Variants in PKIG observed in about 807,000 individuals in gnomAD.
The protein encoded by PKIG is protein kinase (cAMP-dependent, catalytic) inhibitor gamma.
In PKIG, 1 loss-of-function variant was observed where a neutral mutation model predicts 6.8. That is an observed-to-expected ratio of 0.15 (90% CI 0.05 to 0.69). PKIG has a LOEUF of 0.69. PKIG is among the 30% of genes least tolerant of loss of function. The pLI, the probability that PKIG is intolerant of heterozygous loss-of-function variation, is 0.82. For synonymous variants in PKIG, 39 were observed against 43.0 expected, an observed-to-expected ratio of 0.91 and a Z score of 0.36; for missense variants, 77 against 104.0, an observed-to-expected ratio of 0.74 and a Z score of 1.13.
At chr20:44,569,763 C>T (rs1455047436) in intron 1 of PKIG, among the ~76,000 whole-genome samples, 1 of 152,112 alleles carries the variant, frequency 6.6e-6, no homozygotes, top group African/African-American at 2.4e-5. Context: ...TGAGCCTTGC[C>T]ATATCGCACA....
At chr20:44,601,778 G>GA (rs201826683) in intron 2 of PKIG, among the ~76,000 whole-genome samples, 139 of 149,808 alleles carry the variant, frequency 9.3e-4, no homozygotes, top group East Asian at 2.5e-3. Flanking sequence ...TTTTGAAAAA[G>GA]AAAAAAAAAC....
At position 44,595,465 on chromosome 20, in the gene PKIG, A is replaced by G. The variant is rs1204719969; in HGVS notation, c.-24+5599A>G. ...TCAAATATTGCTGAAGTTCACAATT[A>G]TAACTATAAATGTACAGCTGTCCTT... is the stretch of plus-strand genomic sequence containing the variant. On this transcript the variant is annotated intron_variant, in intron 2 of 3. Transcript: ENST00000372886. Among the ~76,000 whole-genome samples the G allele has an allele frequency of 3.3e-5, 5 of 152,266 alleles. No individual in the cohort carries two copies. In the South Asian group the frequency reaches 6.2e-4, roughly 19 times the overall value.
intron 1 of PKIG, among the ~76,000 whole-genome samples, chr20:44,551,350 G>A (rs1421339110): frequency 6.6e-6 from 1 of 152,134 alleles, no homozygotes; most frequent in East Asian, 1.9e-4. Context: ...CACCGCGCCC[G>A]GCCCAACATT....
At chr20:44,556,503 C>T (rs1427582926) in intron 1 of PKIG, among the ~76,000 whole-genome samples, 1 of 152,082 alleles carries the variant, frequency 6.6e-6, no homozygotes, top group Non-Finnish European at 1.5e-5. Flanking sequence ...GCTGGGATTA[C>T]AAGCGTGTGC....
chr20:44,564,748 G>T (rs1321531492), intron 1 of PKIG, among the ~76,000 whole-genome samples: 2 of 152,010 alleles, frequency 1.3e-5, no homozygotes, highest in Non-Finnish European at 2.9e-5. Context: ...TTGTTTTGTT[G>T]TTTGATCCCA....
intron 1 of PKIG, among the ~76,000 whole-genome samples, chr20:44,557,151 A>G (rs1189568320): frequency 1.3e-5 from 2 of 152,120 alleles, no homozygotes; most frequent in Admixed American, 1.3e-4. Context: ...TGTACTTTTC[A>G]TTTCTTTGTA....
At chr20:44,561,608 TA>T (rs201176179) in intron 1 of PKIG, among the ~76,000 whole-genome samples, 8 of 152,170 alleles carry the variant, frequency 5.3e-5, no homozygotes, top group African/African-American at 1.9e-4. Context: ...AATATGCATT[TA>T]AAAAAATTTT....
chr20:44,541,248 C>T (rs2064559246), intron 1 of PKIG, among the ~76,000 whole-genome samples: 1 of 152,148 alleles, frequency 6.6e-6, no homozygotes, highest in African/African-American at 2.4e-5. Flanking sequence ...AAGTGATTCT[C>T]CATCAGCTGT....
rs1371134239 is a variant in PKIG at position 44,545,303 on chromosome 20, CTG to C, written c.-241+13326_-241+13327del. On this transcript the variant is annotated intron_variant, in intron 1 of 4. Transcript: ENST00000372887. ...AACAGTGACAATCAATAAGAATCAA[CTG>C]GGTTTGTTCCCCAGCCTGTTTAGTT... Among the ~76,000 whole-genome samples the C allele has an allele frequency of 3.9e-5, 6 of 152,186 alleles. No homozygotes were observed. The South Asian group carries it at 1.0e-3, about 26-fold the overall frequency.
chr20:44,539,009 A>G (rs998035431), intron 1 of PKIG, among the ~76,000 whole-genome samples: 1 of 151,072 alleles, frequency 6.6e-6, no homozygotes, highest in African/African-American at 2.4e-5. Flanking sequence ...ACTCACTGCA[A>G]CCTCTGCCTC....
In PKIG at chr20:44,568,071, G is replaced by A. The variant is rs181680939; in HGVS notation, c.-240-14514G>A. On this transcript the variant is annotated intron_variant, in intron 1 of 4. Transcript: ENST00000372887. The stretch of plus-strand genomic sequence containing the variant: ...TGAAGTGGGAGGATCACCTGAGTCT[G>A]GGAGGTCGAGGCTGCACCATGATCA... Among the ~76,000 whole-genome samples the A allele has an allele frequency of 5.2e-3, 791 of 152,168 alleles. 8 individuals are homozygous for A. Among genetic ancestry groups the A allele is most frequent in the African/African-American group, 0.018 (753 of 41,514 alleles).
At chr20:44,616,255 C>T (rs1052671268) in intron 3 of PKIG, among the ~76,000 whole-genome samples, 2 of 152,172 alleles carry the variant, frequency 1.3e-5, no homozygotes, top group African/African-American at 4.8e-5. Flanking sequence ...ACCTCTTCTC[C>T]CTGCTGCCTC....
At chr20:44,547,513 G>A (rs944037044) in intron 1 of PKIG, among the ~76,000 whole-genome samples, 1 of 152,110 alleles carries the variant, frequency 6.6e-6, no homozygotes, top group African/African-American at 2.4e-5. Context: ...TGCCTCATAG[G>A]AGTTGTCTTG....
intron 2 of PKIG, among the ~76,000 whole-genome samples, chr20:44,597,077 T>C (rs1173506858): frequency 6.6e-6 from 1 of 152,138 alleles, no homozygotes. Context: ...TCTAAACTCC[T>C]CTCTCTCATC....
At chr20:44,534,064 C>T (rs1316228001) in intron 1 of PKIG, among the ~76,000 whole-genome samples, 1 of 152,034 alleles carries the variant, frequency 6.6e-6, no homozygotes, top group Non-Finnish European at 1.5e-5. Context: ...GTAGGCAGCT[C>T]AGAGAAGTTT....
rs1396308694 is a variant in PKIG at position 44,618,549 on chromosome 20, A to G, written c.*185A>G. On this transcript the variant is annotated 3_prime_UTR_variant, in exon 4 of 4. Coordinates refer to ENST00000372886, the MANE Select transcript of PKIG (RefSeq NM_001281445.2). ...GGGAAAGCCCTCTGCCCACACCCAC[A>G]GGCTTCACATTCCCACCACCTTCGC... is the stretch of plus-strand genomic sequence containing the variant. 1.8e-6 allele frequency: 1 copy of G among 563,598 alleles called. No individual in the cohort carries two copies. 34.9% of individuals were successfully genotyped at this position (563,598 alleles called of 1,614,324 possible).
At chr20:44,601,625 C>A (rs1042651553) in intron 2 of PKIG, among the ~76,000 whole-genome samples, 1 of 152,204 alleles carries the variant, frequency 6.6e-6, no homozygotes, top group Non-Finnish European at 1.5e-5. Flanking sequence ...TTTCCACGGC[C>A]CTTTCGTCCC....
chr20:44,541,414 G>A (rs1439863345), intron 1 of PKIG, among the ~76,000 whole-genome samples: 3 of 152,036 alleles, frequency 2.0e-5, no homozygotes, highest in Non-Finnish European at 2.9e-5. Context: ...TCAGCCTCTT[G>A]AGTAGCTGGG....
At chr20:44,569,029 T>G (rs1359705212) in intron 1 of PKIG, among the ~76,000 whole-genome samples, 1 of 152,200 alleles carries the variant, frequency 6.6e-6, no homozygotes, top group Non-Finnish European at 1.5e-5. Flanking sequence ...TTAAGAAACT[T>G]TATTTTTTAG....
Sources: gnomAD v4.1 joint callset for allele counts (sites outside exome capture counted in the v4.1 genomes callset) on GRCh38, gnomAD v4.1.1 for gene constraint, MANE v1.5 for transcripts, NCBI Gene and HGNC (gene_info 2026-07-23, HGNC 2026-07-21) for gene names.